Variants in ZNF536 observed in about 807,000 individuals in gnomAD.
ZNF536 encodes zinc finger protein 536.
A neutral mutation model predicts 84.5 loss-of-function variants in ZNF536; 13 were observed. The ratio of observed to expected loss-of-function variants is 0.15; its 90% CI spans 0.10 to 0.24. ZNF536 has a LOEUF of 0.24. Ranked by LOEUF, ZNF536 falls within the 10% of genes least tolerant of loss-of-function variation. ZNF536 has a pLI of 1.00. For missense variants in ZNF536, 1,536 were observed against 1,747.5 expected, an observed-to-expected ratio of 0.88 and a Z score of 2.16; for synonymous variants, 811 against 742.5, an observed-to-expected ratio of 1.09 and a Z score of -1.50.
At chr19:30,340,177 G>C (rs1568343813) in intron 2 of ZNF536, among the ~76,000 whole-genome samples, 1 of 152,186 alleles carries the variant, frequency 6.6e-6, no homozygotes, top group Non-Finnish European at 1.5e-5. Flanking sequence ...CCCTAGCTCT[G>C]AGGTGTCAGA....
intron 1 of ZNF536, among the ~76,000 whole-genome samples, chr19:30,373,994 T>C (rs1050714130): frequency 6.6e-6 from 1 of 152,224 alleles, no homozygotes; most frequent in Non-Finnish European, 1.5e-5. Flanking sequence ...TAATGCCCGA[T>C]TCGCTCTTTG....
chr19:30,423,246 C>T (rs2051060095), intron 1 of ZNF536, among the ~76,000 whole-genome samples: 1 of 151,050 alleles, frequency 6.6e-6, no homozygotes, highest in Non-Finnish European at 1.5e-5. Flanking sequence ...CGCCCATTCA[C>T]ATATCCATCC....
At position 30,330,097 on chromosome 19, in the gene ZNF536, T is replaced by G. The variant is rs2047161796; in HGVS notation, c.-119-22271T>G. 2.6e-5 allele frequency among the ~76,000 whole-genome samples: 4 copies of G among 152,282 alleles called. No individual in the cohort carries two copies. In the South Asian group the frequency reaches 8.3e-4, roughly 32 times the overall value. ...TTGGTCCTATGATTACTACTATGAT[T>G]ACTCCCGTCACCACCACCACCACTA... On this transcript the variant is annotated intron_variant, in intron 2 of 5. Coordinates refer to the ZNF536 transcript ENST00000585628.
intron 2 of ZNF536, among the ~76,000 whole-genome samples, chr19:30,298,548 C>A (rs185421818): frequency 6.6e-6 from 1 of 152,194 alleles, no homozygotes; most frequent in African/African-American, 2.4e-5. Flanking sequence ...TGCAGAAGAA[C>A]GGTGTGCTGA....
At chr19:30,329,226 C>G (rs1346271633) in intron 2 of ZNF536, among the ~76,000 whole-genome samples, 2 of 152,208 alleles carry the variant, frequency 1.3e-5, no homozygotes, top group East Asian at 1.9e-4. Context: ...TTTATTGAGA[C>G]AGGTCCGAAA....
chr19:30,473,390 G>T (rs2053720136), intron 2 of ZNF536, among the ~76,000 whole-genome samples: 1 of 152,026 alleles, frequency 6.6e-6, no homozygotes, highest in African/African-American at 2.4e-5. Context: ...CCTGGGGGCT[G>T]CTTTTCCAAG....
chr19:30,403,722 GT>G (rs2050148001), intron 1 of ZNF536, among the ~76,000 whole-genome samples: 1 of 152,250 alleles, frequency 6.6e-6, no homozygotes, highest in Non-Finnish European at 1.5e-5. Context: ...CTCGGCTGCA[GT>G]TTTATTGCCA....
At chr19:30,677,807 C>T (rs550491800) in intron 1 of ZNF536, among the ~76,000 whole-genome samples, 4 of 152,146 alleles carry the variant, frequency 2.6e-5, no homozygotes, top group Non-Finnish European at 5.9e-5. Context: ...GGGTGCTGCA[C>T]GTGGCCTGCC....
rs1555821106 is a variant in ZNF536 at position 30,635,067 on chromosome 19, G to GGGGT, written c.170-75689_170-75688insGGTG. Among the ~76,000 whole-genome samples the GGGGT allele has an allele frequency of 7.3e-4, 109 of 150,272 alleles. 1 individual carries two copies. The highest frequency in any genetic ancestry group is 3.4e-3 in the South Asian group (16 of 4,750). ...AACAGGCTGGGAGAGAAGAAAGCTG[G>GGGGT]GTGTGTGTGTGTGTGTGTGTGTGTA... is the stretch of plus-strand genomic sequence containing the variant. On this transcript the variant is annotated intron_variant, in intron 1 of 1. Coordinates refer to the ZNF536 transcript ENST00000592773.
intron 2 of ZNF536, among the ~76,000 whole-genome samples, chr19:30,506,650 C>T (rs753758483): frequency 4.6e-5 from 7 of 152,286 alleles, no homozygotes; most frequent in East Asian, 3.9e-4. Flanking sequence ...GGTGCATGTG[C>T]GCTGGACCCA....
rs190224510 is a variant in ZNF536 at position 30,382,875 on chromosome 19, G to A, written c.-3+10319G>A. Among the ~76,000 whole-genome samples, 6 of 152,316 alleles carry A rather than the reference G, an allele frequency of 3.9e-5. No homozygotes were observed. In the East Asian group the frequency reaches 1.2e-3, roughly 29 times the overall value. ...ATTTGGTATAGGAAATTATCATTTA[G>A]CAAACATAAACCAGGGAGCTACTCT... On this transcript the variant is annotated intron_variant, in intron 1 of 4. Transcript: ENST00000355537.
intron 1 of ZNF536, among the ~76,000 whole-genome samples, chr19:30,644,597 AT>A (rs1360508153): frequency 1.3e-5 from 2 of 151,958 alleles, no homozygotes; most frequent in Non-Finnish European, 2.9e-5. Context: ...ATTCCCACCT[AT>A]GAGTGAGAAC....
At chr19:30,708,942 AT>A (rs2052353304) in intron 1 of ZNF536, among the ~76,000 whole-genome samples, 1 of 152,030 alleles carries the variant, frequency 6.6e-6, no homozygotes, top group African/African-American at 2.4e-5. Context: ...TTACTTGTTT[AT>A]TTTTTTGAGC....
intron 2 of ZNF536, among the ~76,000 whole-genome samples, chr19:30,297,622 GA>G (rs1199692807): frequency 6.6e-6 from 1 of 152,136 alleles, no homozygotes; most frequent in Non-Finnish European, 1.5e-5. Flanking sequence ...CTCTTTGAAG[GA>G]CTAGGCATGC....
At chr19:30,324,769 A>G (rs138252363) in intron 2 of ZNF536, among the ~76,000 whole-genome samples, 1 of 152,132 alleles carries the variant, frequency 6.6e-6, no homozygotes, top group East Asian at 1.9e-4. Flanking sequence ...AATTTACTTC[A>G]CTATGCCCTC....
chr19:30,326,791 CTTTTT>C (rs869076590), intron 2 of ZNF536, among the ~76,000 whole-genome samples: 9 of 51,976 alleles, frequency 1.7e-4, no homozygotes, highest in Middle Eastern at 0.021. Flanking sequence ...TTATAAAAAG[CTTTTT>C]TTTTTTTTTT....
chr19:30,654,243 C>T (rs1382170500), intron 1 of ZNF536, among the ~76,000 whole-genome samples: 2 of 152,186 alleles, frequency 1.3e-5, no homozygotes, highest in Non-Finnish European at 1.5e-5. Flanking sequence ...CACCTAGGTA[C>T]ATCCAACAGG....
chr19:30,441,377 G>A (rs1327530211), intron 1 of ZNF536, among the ~76,000 whole-genome samples: 1 of 152,256 alleles, frequency 6.6e-6, no homozygotes, highest in Non-Finnish European at 1.5e-5. Flanking sequence ...AAGGTGGAGA[G>A]AGGGTGCCAG....
chr19:30,558,550 G>A (rs1379761041), downstream of ZNF536, among the ~76,000 whole-genome samples: 3 of 152,266 alleles, frequency 2.0e-5, 1 homozygote, highest in South Asian at 4.1e-4. Flanking sequence ...CTCAGGATTC[G>A]CGGAGGTGGG....
Sources: gnomAD v4.1 joint callset for allele counts (sites outside exome capture counted in the v4.1 genomes callset) on GRCh38, gnomAD v4.1.1 for gene constraint, MANE v1.5 for transcripts, NCBI Gene and HGNC (gene_info 2026-07-23, HGNC 2026-07-21) for gene names.